HCN1: variants seen among roughly 807,000 people sequenced by gnomAD.
HCN1 encodes hyperpolarization activated cyclic nucleotide gated potassium channel 1, also known as potassium/sodium hyperpolarization-activated cyclic nucleotide-gated channel 1.
In HCN1, 13 loss-of-function variants were observed where a neutral mutation model predicts 78.9. That is an observed-to-expected ratio of 0.16 (90% CI 0.11 to 0.26). The LOEUF is 0.26. Among genes scored for constraint, HCN1 ranks in the 10% least tolerant of loss-of-function variants. HCN1 has a pLI of 1.00. For missense variants in HCN1, 810 were observed against 1,154.3 expected, an observed-to-expected ratio of 0.70 and a Z score of 4.32; for synonymous variants, 552 against 455.5, an observed-to-expected ratio of 1.21 and a Z score of -2.70.
chr5:45,316,441 A>AC (rs1745994066), intron 5 of HCN1, among the ~76,000 whole-genome samples: 1 of 152,158 alleles, frequency 6.6e-6, no homozygotes, highest in Non-Finnish European at 1.5e-5. Context: ...CTTAAGACAA[A>AC]CCCACAGTCA....
chr5:45,658,673 G>T (rs368672111), intron 1 of HCN1, among the ~76,000 whole-genome samples: 10,659 of 151,252 alleles, frequency 0.07, 543 homozygotes, highest in Middle Eastern at 0.15. Context: ...TTCCCTTTCC[G>T]AGTCAAAGAA....
At chr5:45,341,879 C>T (rs2111966039) in intron 5 of HCN1, among the ~76,000 whole-genome samples, 1 of 152,336 alleles carries the variant, frequency 6.6e-6, no homozygotes, top group Admixed American at 6.5e-5. Context: ...ACTCACTCTG[C>T]TCATCAAACA....
chr5:45,450,006 T>A (rs1740885783), intron 3 of HCN1, among the ~76,000 whole-genome samples: 1 of 152,158 alleles, frequency 6.6e-6, no homozygotes, highest in Non-Finnish European at 1.5e-5. Flanking sequence ...CTAATTTTTG[T>A]ATTTTTAGAA....
At chr5:45,309,204 T>C (rs1403334645) in intron 5 of HCN1, among the ~76,000 whole-genome samples, 1 of 152,194 alleles carries the variant, frequency 6.6e-6, no homozygotes, top group Non-Finnish European at 1.5e-5. Context: ...ACACAATTTT[T>C]GTACATTGAT....
At chr5:45,454,691 T>C (rs1005304359) in intron 3 of HCN1, among the ~76,000 whole-genome samples, 12 of 152,038 alleles carry the variant, frequency 7.9e-5, no homozygotes, top group Non-Finnish European at 1.5e-4. Context: ...TTTGGCTATA[T>C]TATGTCAATC....
chr5:45,266,375 A>G (rs909230580), intron 7 of HCN1, among the ~76,000 whole-genome samples: 3 of 152,124 alleles, frequency 2.0e-5, no homozygotes, highest in Non-Finnish European at 2.9e-5. Context: ...CAAATTTTCA[A>G]TTCCTAATAT....
At chr5:45,322,749 T>C (rs1175663332) in intron 5 of HCN1, among the ~76,000 whole-genome samples, 1 of 151,772 alleles carries the variant, frequency 6.6e-6, no homozygotes, top group Non-Finnish European at 1.5e-5. Context: ...GATATTAGAG[T>C]ATTTAGAAGT....
At chr5:45,449,959 A>C (rs2111594859) in intron 3 of HCN1, among the ~76,000 whole-genome samples, 1 of 152,172 alleles carries the variant, frequency 6.6e-6, no homozygotes, top group African/African-American at 2.4e-5. Flanking sequence ...CAGCCTCCCG[A>C]GTACGTGGGA....
intron 3 of HCN1, among the ~76,000 whole-genome samples, chr5:45,419,601 C>T (rs1740186898): frequency 6.6e-6 from 1 of 152,114 alleles, no homozygotes; most frequent in African/African-American, 2.4e-5. Flanking sequence ...TGTATGGATT[C>T]CAACAACAAA....
chr5:45,352,711 C>A (rs1202421173), intron 5 of HCN1, among the ~76,000 whole-genome samples: 1 of 151,700 alleles, frequency 6.6e-6, no homozygotes, highest in African/African-American at 2.4e-5. Flanking sequence ...GAACTGCTCA[C>A]AGCAAGTCAT....
intron 2 of HCN1, among the ~76,000 whole-genome samples, chr5:45,510,709 C>T (rs1742397636): frequency 6.6e-6 from 1 of 152,042 alleles, no homozygotes. Context: ...TGTCAAACTG[C>T]TCTGTGTTCT....
intron 5 of HCN1, among the ~76,000 whole-genome samples, chr5:45,329,439 A>G (rs1309132472): frequency 6.6e-6 from 1 of 150,938 alleles, no homozygotes; most frequent in Non-Finnish European, 1.5e-5. Context: ...GGAGTGGGGG[A>G]TAATATTAGG....
chr5:45,434,121 T>C (rs1377321209), intron 3 of HCN1, among the ~76,000 whole-genome samples: 1 of 152,332 alleles, frequency 6.6e-6, no homozygotes, highest in Non-Finnish European at 1.5e-5. Flanking sequence ...TTTTCACTTC[T>C]CCTCTAGGGA....
At chr5:45,621,125 T>G (rs1745052147) in intron 2 of HCN1, among the ~76,000 whole-genome samples, 1 of 152,114 alleles carries the variant, frequency 6.6e-6, no homozygotes, top group Admixed American at 6.6e-5. Flanking sequence ...AGGACAGACA[T>G]TGAGAGAGGT....
At chr5:45,312,186 C>A (rs958719926) in intron 5 of HCN1, among the ~76,000 whole-genome samples, 2 of 152,154 alleles carry the variant, frequency 1.3e-5, no homozygotes, top group African/African-American at 4.8e-5. Flanking sequence ...TTATGCAATG[C>A]CCTCTTGAGG....
chr5:45,373,078 A>G (rs1337578626), intron 4 of HCN1, among the ~76,000 whole-genome samples: 1 of 135,138 alleles, frequency 7.4e-6, no homozygotes, highest in Non-Finnish European at 1.5e-5. Flanking sequence ...GTAGTATATA[A>G]TATATAAAAA....
chr5:45,301,964 GA>G (rs1745632214), intron 6 of HCN1, among the ~76,000 whole-genome samples: 1 of 151,768 alleles, frequency 6.6e-6, no homozygotes, highest in Non-Finnish European at 1.5e-5. Flanking sequence ...TTAGATTTAC[GA>G]AGGCAAACAA....
intron 2 of HCN1, among the ~76,000 whole-genome samples, chr5:45,555,072 G>T (rs1182338837): frequency 6.6e-6 from 1 of 151,656 alleles, no homozygotes; most frequent in Admixed American, 6.6e-5. Context: ...AAATAAATAA[G>T]GGGCATCCAG....
At chr5:45,389,459 T>C (rs1162648335) in intron 4 of HCN1, among the ~76,000 whole-genome samples, 2 of 152,142 alleles carry the variant, frequency 1.3e-5, no homozygotes, top group Non-Finnish European at 2.9e-5. Flanking sequence ...CTATGAATCA[T>C]TCTATTAGGT....
Sources: gnomAD v4.1 joint callset for allele counts (sites outside exome capture counted in the v4.1 genomes callset) on GRCh38, gnomAD v4.1.1 for gene constraint, MANE v1.5 for transcripts, NCBI Gene and HGNC (gene_info 2026-07-23, HGNC 2026-07-21) for gene names.